Variants in PTPRT observed in about 807,000 individuals in gnomAD.
The protein encoded by PTPRT is receptor-type tyrosine-protein phosphatase T.
In PTPRT, 56 loss-of-function variants were observed where a neutral mutation model predicts 176.8. The ratio of observed to expected loss-of-function variants is 0.32; its 90% CI spans 0.26 to 0.40. The LOEUF (loss-of-function observed/expected upper bound fraction) is 0.40, where lower values mean the gene tolerates loss of function less well. Ranked by LOEUF, PTPRT falls within the 10% of genes least tolerant of loss-of-function variation. The probability of loss-of-function intolerance (pLI) is 1.00; values close to 1 mark genes in which losing one functional copy is unlikely to be tolerated. For missense variants in PTPRT, 1,540 were observed against 1,908.2 expected, an observed-to-expected ratio of 0.81 and a Z score of 3.60; for synonymous variants, 783 against 739.0, an observed-to-expected ratio of 1.06 and a Z score of -0.96.
intron 18 of PTPRT, among the ~76,000 whole-genome samples, chr20:42,137,462 C>G (rs941309992): frequency 6.6e-6 from 1 of 152,210 alleles, no homozygotes; most frequent in Admixed American, 6.5e-5. Context: ...CTTAGCAACA[C>G]ATTCTCCCCC....
intron 22 of PTPRT, among the ~76,000 whole-genome samples, chr20:42,114,668 C>G (rs1294530820): frequency 6.6e-6 from 1 of 152,178 alleles, no homozygotes; most frequent in East Asian, 1.9e-4. Flanking sequence ...CATCCTAACC[C>G]TTCTCCCCCA....
intron 1 of PTPRT, among the ~76,000 whole-genome samples, chr20:42,923,840 C>CT (rs776244592): frequency 5.0e-4 from 76 of 150,888 alleles, no homozygotes; most frequent in Middle Eastern, 6.9e-3. Flanking sequence ...ACATTTTTTT[C>CT]TTTTCTTTTT....
chr20:43,135,766 A>G (rs2013812266), intron 1 of PTPRT, among the ~76,000 whole-genome samples: 1 of 152,226 alleles, frequency 6.6e-6, no homozygotes, highest in African/African-American at 2.4e-5. Context: ...GAAATGCTGC[A>G]TTAAAGAATG....
intron 2 of PTPRT, among the ~76,000 whole-genome samples, chr20:42,858,577 C>T (rs1271718773): frequency 1.3e-5 from 2 of 152,170 alleles, no homozygotes; most frequent in Non-Finnish European, 2.9e-5. Context: ...TGCCTTGCCT[C>T]TTCCATCACA....
intron 1 of PTPRT, among the ~76,000 whole-genome samples, chr20:43,128,907 T>G (rs1424802044): frequency 6.6e-6 from 1 of 152,166 alleles, no homozygotes; most frequent in East Asian, 1.9e-4. Context: ...TCACCCTTCA[T>G]CACAATTTTA....
intron 1 of PTPRT, among the ~76,000 whole-genome samples, chr20:42,904,711 C>A (rs1488220999): frequency 1.3e-5 from 2 of 152,080 alleles, no homozygotes; most frequent in African/African-American, 4.8e-5. Context: ...CCTGGCCCAC[C>A]ACACCCCCAT....
chr20:42,280,453 C>T (rs550624080), intron 13 of PTPRT, among the ~76,000 whole-genome samples: 1 of 152,230 alleles, frequency 6.6e-6, no homozygotes, highest in East Asian at 1.9e-4. Context: ...TGGATCTCAC[C>T]AAATTGGAAA....
intron 14 of PTPRT, among the ~76,000 whole-genome samples, chr20:42,242,139 A>C (rs868125175): frequency 1.1e-4 from 17 of 152,162 alleles, no homozygotes; most frequent in African/African-American, 3.6e-4. Flanking sequence ...ATTTTGTGGC[A>C]ATGTGCTCTC....
At chr20:42,906,441 C>T (rs766745896) in intron 1 of PTPRT, among the ~76,000 whole-genome samples, 1 of 152,194 alleles carries the variant, frequency 6.6e-6, no homozygotes, top group Admixed American at 6.5e-5. Context: ...CACTTTTTCT[C>T]CAAGCCCACA....
chr20:42,759,834 C>A (rs563202335), intron 5 of PTPRT, among the ~76,000 whole-genome samples: 8 of 152,312 alleles, frequency 5.3e-5, no homozygotes, highest in African/African-American at 1.9e-4. Flanking sequence ...TCTGATTCCA[C>A]GAGTCAACTC....
intron 1 of PTPRT, among the ~76,000 whole-genome samples, chr20:42,959,194 A>G (rs1035173090): frequency 6.6e-6 from 1 of 152,130 alleles, no homozygotes; most frequent in African/African-American, 2.4e-5. Flanking sequence ...TTATCTGTAA[A>G]ATAGTACCTA....
At chr20:42,258,168 C>G (rs1450492625) in intron 13 of PTPRT, among the ~76,000 whole-genome samples, 3 of 152,150 alleles carry the variant, frequency 2.0e-5, no homozygotes, top group Non-Finnish European at 4.4e-5. Context: ...TGTATTGATG[C>G]CTGTCTCTGC....
At chr20:42,783,455 A>C (rs548692284) in intron 3 of PTPRT, among the ~76,000 whole-genome samples, 1 of 152,330 alleles carries the variant, frequency 6.6e-6, no homozygotes, top group East Asian at 1.9e-4. Context: ...GGAAGTAAAA[A>C]TGGTAATAAT....
At chr20:42,571,519 C>A (rs1165491608) in intron 7 of PTPRT, among the ~76,000 whole-genome samples, 2 of 152,206 alleles carry the variant, frequency 1.3e-5, no homozygotes, top group African/African-American at 4.8e-5. Context: ...TGTATGATTT[C>A]AAACCACTAC....
At chr20:42,247,650 T>A (rs1238328995) in intron 14 of PTPRT, among the ~76,000 whole-genome samples, 1 of 152,184 alleles carries the variant, frequency 6.6e-6, no homozygotes, top group Non-Finnish European at 1.5e-5. Context: ...CTCTTTTGCC[T>A]GGGAGCAGGG....
At chr20:42,476,570 AT>A (rs2071293419) in intron 7 of PTPRT, among the ~76,000 whole-genome samples, 1 of 152,096 alleles carries the variant, frequency 6.6e-6, no homozygotes, top group African/African-American at 2.4e-5. Flanking sequence ...TTGGGAGATG[AT>A]TTTGGGGAGA....
intron 2 of PTPRT, among the ~76,000 whole-genome samples, chr20:42,824,809 T>C (rs548658838): frequency 6.6e-6 from 1 of 152,030 alleles, no homozygotes; most frequent in Admixed American, 6.5e-5. Flanking sequence ...ATTAAAACTA[T>C]TCATCAGAGA....
chr20:42,509,862 G>C (rs2071922553), intron 7 of PTPRT, among the ~76,000 whole-genome samples: 1 of 151,956 alleles, frequency 6.6e-6, no homozygotes, highest in African/African-American at 2.4e-5. Flanking sequence ...GAAGTGTCTT[G>C]GTAATTTTAA....
chr20:43,083,340 A>ATG (rs2011502360), intron 1 of PTPRT, among the ~76,000 whole-genome samples: 1 of 107,302 alleles, frequency 9.3e-6, no homozygotes, highest in African/African-American at 3.2e-5. Context: ...ATATATATAT[A>ATG]TATATATATA....
Sources: gnomAD v4.1 joint callset for allele counts (sites outside exome capture counted in the v4.1 genomes callset) on GRCh38, gnomAD v4.1.1 for gene constraint, MANE v1.5 for transcripts, NCBI Gene and HGNC (gene_info 2026-07-23, HGNC 2026-07-21) for gene names.